The following PUF60 variants were observed in gnomAD, a reference collection of about 807,000 sequenced individuals.
The protein encoded by PUF60 is poly(U)-binding-splicing factor PUF60.
PUF60 carries 10 observed loss-of-function variants against 61.8 expected under a neutral mutation model. The ratio of observed to expected loss-of-function variants is 0.16; its 90% CI spans 0.10 to 0.27. PUF60 has a LOEUF of 0.27. Among genes scored for constraint, PUF60 ranks in the 10% least tolerant of loss-of-function variants. PUF60 has a pLI of 1.00. For missense variants in PUF60, 371 were observed against 754.0 expected (o/e 0.49, Z 5.95); for synonymous variants, 353 against 300.9 (o/e 1.17, Z -1.79).
At position 143,816,956 on chromosome 8, in the gene PUF60, C is replaced by A; in HGVS notation, c.1334G>T (p.Ser445Ile). Residue 445 changes from serine (S) to isoleucine (I), a missense_variant, in exon 11 of 12, where the codon AGT (serine) becomes ATT (isoleucine). By Grantham distance (142) the Ser-to-Ile change is moderately radical. This residue lies in a region of PUF60 where 38 missense variants were observed against 112.9 expected (regional missense o/e 0.34). Coordinates refer to ENST00000526683, the MANE Select transcript of PUF60 (RefSeq NM_078480.3). ...CTGCATCACCATGTGTCGGGCGCTA[C>A]TGCCCGAGATGCTCATGTGCTCCTG... Reference protein sequence around the residue: ...SEQEHMSISGSSARHMVMQKL... With the variant: ...SEQEHMSISGISARHMVMQKL... The A allele has an allele frequency of 6.3e-7, 1 of 1,597,786 alleles. No homozygotes were observed. The highest frequency in any genetic ancestry group is 8.5e-7 in the Non-Finnish European group (1 of 1,172,570).
chr8:143,816,427 G>C lies in PUF60; in HGVS notation c.*93C>G, dbSNP rs1816282827. 3 of 1,400,718 alleles carry C rather than the reference G, an allele frequency of 2.1e-6. No homozygotes were observed. Among genetic ancestry groups the C allele is most frequent in the Non-Finnish European group, 2.9e-6 (3 of 1,042,884 alleles). 86.8% of individuals were successfully genotyped at this position (1,400,718 alleles called of 1,614,324 possible). A position where few individuals can be genotyped will look rare whatever the true frequency, so the allele number is the denominator to read the frequency against. On this transcript the variant is annotated 3_prime_UTR_variant, in exon 12 of 12. Coordinates refer to ENST00000526683, the MANE Select transcript of PUF60 (RefSeq NM_078480.3). ...TTATCCGCACTGTAGGCTGGGCTGG[G>C]CAGAGCGCGCCTGGCCCCGGGGACA...
chr8:143,818,081 G>A lies in PUF60; in HGVS notation c.604-6C>T, dbSNP rs774955816. 3.7e-6 allele frequency: 6 copies of A among 1,611,482 alleles called. No individual in the cohort carries two copies. The highest frequency in any genetic ancestry group is 1.7e-5 in the Admixed American group (1 of 59,848). ...ATGTTGCTGGGTCTGCCCACCTGGG[G>A]AAGAGGCGGTGAGATGGAAAGACCG... is the stretch of plus-strand genomic sequence containing the variant. On this transcript the variant is annotated splice_region_variant and splice_polypyrimidine_tract_variant and intron_variant, in intron 7 of 11. Transcript: ENST00000526683. The surrounding 1 kb of genome is among the most constrained non-coding windows in gnomAD (Gnocchi z 7.9).
In PUF60 at chr8:143,818,983, G is replaced by C. The variant is rs1305764885; in HGVS notation, c.349-449C>G. ...CTGGTTTGGTGGCCAGAAGAGAGGA[G>C]GTCAGAAGACAGGGCAGCCACTGCC... On this transcript the variant is annotated intron_variant, in intron 5 of 11. Coordinates refer to ENST00000526683, the MANE Select transcript of PUF60 (RefSeq NM_078480.3). This position sits in a 1 kb window ranked among gnomAD's most constrained non-coding sequence, Gnocchi z 7.9. The C allele has an allele frequency of 5.7e-6, 1 of 175,578 alleles. No homozygotes were observed. Among genetic ancestry groups the C allele is most frequent in the Admixed American group, 5.9e-5 (1 of 16,944 alleles). The allele number at this position is 175,578 out of a possible 1,614,324, so 10.9% of individuals were successfully genotyped here.
At position 143,817,024 on chromosome 8, in the gene PUF60, C is replaced by T. The variant is rs187733261; in HGVS notation, c.1266G>A (p.Glu422=). Residue 422 remains glutamate (E), a synonymous_variant, in exon 11 of 12, where the codon GAG becomes GAA. Coordinates refer to ENST00000526683, the MANE Select transcript of PUF60 (RefSeq NM_078480.3). This position sits in a 1 kb window ranked among gnomAD's most constrained non-coding sequence, Gnocchi z 7.4. ...LLEPKKEKEE[E]ELFPESERPE... is the part of the protein sequence containing the mutation. ...GCCGCTCTGACTCGGGAAACAGCTC[C>T]TCTTCTTCCTTCTCCTTCTTGGGCT... The T allele has an allele frequency of 3.9e-4, 623 of 1,610,230 alleles. 1 individual carries two copies. The African/African-American group carries it at 7.3e-3, about 19-fold the overall frequency.
rs1429266295 is a variant in PUF60, at chr8:143,824,411, AAGG to A, written c.25-15_25-13del. On this transcript the variant is annotated splice_polypyrimidine_tract_variant and intron_variant, in intron 1 of 11. Coordinates refer to ENST00000526683, the MANE Select transcript of PUF60 (RefSeq NM_078480.3). ...TGGCCATTGACCTGCTGCAGGCAGG[AAGG>A]AGATGTTGTAACGACAGGCACACCA... The A allele has an allele frequency of 1.9e-6, 3 of 1,610,452 alleles. No individual in the cohort carries two copies. The highest frequency in any genetic ancestry group is 1.1e-5 in the South Asian group (1 of 91,040).
Position 143,821,926 on chromosome 8 carries a change from C to G in PUF60, c.112-13G>C, listed in dbSNP as rs376775479. ...TGGAGTCTGTGCCCTGGTAAGGGAG[C>G]AGGGGAATCCATCAGCAGCAAGCTC... On this transcript the variant is annotated splice_polypyrimidine_tract_variant and intron_variant, in intron 2 of 11. Transcript: ENST00000526683. 5 of 1,570,742 alleles carry G rather than the reference C, an allele frequency of 3.2e-6. No individual in the cohort carries two copies. Among genetic ancestry groups the G allele is most frequent in the Admixed American group, 3.6e-5 (2 of 55,888 alleles).
intron 1 of PUF60, 87 bp downstream of exon 1, chr8:143,829,193 C>T: frequency 1.6e-6 from 2 of 1,230,098 alleles, no homozygotes; most frequent in Non-Finnish European, 2.0e-6. Context: ...CCGCCGCGTT[C>T]TTGGGAGGCC....
At chr8:143,826,426 G>A (rs1282757454) in intron 1 of PUF60, among the ~76,000 whole-genome samples, 1 of 152,084 alleles carries the variant, frequency 6.6e-6, no homozygotes, top group Non-Finnish European at 1.5e-5. Context: ...TTTTTAAAAA[G>A]TAATGTGGCC....
chr8:143,818,098 G>GA lies in PUF60; in HGVS notation c.604-24dup. 6.2e-7 allele frequency: 1 copy of GA among 1,608,742 alleles called. No individual in the cohort carries two copies. The highest frequency in any genetic ancestry group is 8.5e-7 in the Non-Finnish European group (1 of 1,177,764). On this transcript the variant is annotated intron_variant, in intron 7 of 11. Transcript: ENST00000526683. The surrounding 1 kb of genome is among the most constrained non-coding windows in gnomAD (Gnocchi z 7.9). The stretch of plus-strand genomic sequence containing the variant: ...CACCTGGGGAAGAGGCGGTGAGATG[G>GA]AAAGACCGGTCAACCCAGGCCCGGC...
At chr8:143,827,517 C>A in intron 1 of PUF60, 1 of 452,758 alleles carries the variant, frequency 2.2e-6, no homozygotes, top group Non-Finnish European at 4.4e-6. Flanking sequence ...TCAGCTGCTC[C>A]ATTCAACCTC....
intron 1 of PUF60, 168 bp from the exon 2 acceptor site, chr8:143,824,567 A>T: frequency 1.6e-6 from 1 of 639,574 alleles, no homozygotes; most frequent in Non-Finnish European, 2.7e-6. Context: ...CTTCACACCC[A>T]TCAGCACGCC....
In PUF60 at chr8:143,816,985, G is replaced by C. The variant is rs372944670; in HGVS notation, c.1305C>G (p.Ser435Arg). Reference sequence around the variant, plus strand: ...CCGAGATGCTCATGTGCTCCTGCTCGCTCAGCATCTCTGGCCGCTCTGACT... The same window carrying C: ...CCGAGATGCTCATGTGCTCCTGCTCCCTCAGCATCTCTGGCCGCTCTGACT... ...FPESERPEML[S>R]EQEHMSISGS... Residue 435 changes from serine to arginine, a missense_variant, in exon 11 of 12, where the codon AGC becomes AGG. Transcript: ENST00000526683. 1.2e-6 allele frequency: 2 copies of C among 1,605,030 alleles called. No homozygotes were observed. Among genetic ancestry groups the C allele is most frequent in the Non-Finnish European group, 1.7e-6 (2 of 1,176,122 alleles).
chr8:143,820,491 C>T, intron 5 of PUF60, 175 bp downstream of exon 5: 1 of 717,020 alleles, frequency 1.4e-6, no homozygotes, highest in Non-Finnish European at 2.4e-6. Flanking sequence ...AGGGGCGGTC[C>T]CGGGTGGGTG....
intron 4 of PUF60, 71 bp from the exon 5 acceptor site, chr8:143,820,787 G>C: frequency 7.0e-7 from 1 of 1,429,986 alleles, no homozygotes; most frequent in Non-Finnish European, 9.8e-7. Context: ...AACACCTCAC[G>C]CAGACAGCGG....
intron 1 of PUF60, among the ~76,000 whole-genome samples, chr8:143,826,510 T>C (rs1212012258): frequency 3.3e-5 from 5 of 151,590 alleles, no homozygotes; most frequent in Non-Finnish European, 5.9e-5. Flanking sequence ...AGGTCAGGAG[T>C]TGGAGACCAG....
chr8:143,827,611 T>C, intron 1 of PUF60: 1 of 358,318 alleles, frequency 2.8e-6, no homozygotes, highest in Admixed American at 3.7e-5. Flanking sequence ...ATAACCCTTC[T>C]AGAAGCCTTT....
rs7833632 is a variant in PUF60, at chr8:143,818,586, A to G, written c.349-52T>C. The stretch of plus-strand genomic sequence containing the variant: ...CGCTGGCTCGTCAGGGGCGGCAGGA[A>G]GCTGGGCAGCCCACTCCCCTCCTGG... On this transcript the variant is annotated intron_variant, in intron 5 of 11. Transcript: ENST00000526683. The surrounding 1 kb of genome is among the most constrained non-coding windows in gnomAD (Gnocchi z 7.9). The G allele has an allele frequency of 0.92, 1,380,595 of 1,507,984 alleles. 632,439 individuals are homozygous for G. The highest frequency in any genetic ancestry group is 0.98 in the East Asian group (39,724 of 40,534). The allele number at this position is 1,507,984 out of a possible 1,614,324, so 93.4% of individuals were successfully genotyped here. A position where few individuals can be genotyped will look rare whatever the true frequency, so the allele number is the denominator to read the frequency against.
intron 1 of PUF60, chr8:143,827,545 G>A (rs1383431005): frequency 2.3e-6 from 1 of 437,560 alleles, no homozygotes; most frequent in Non-Finnish European, 4.6e-6. Context: ...AGCTGAAGCA[G>A]CATGAGACAG....
chr8:143,816,898 C>T lies in PUF60; in HGVS notation c.1380+12G>A, dbSNP rs777864595. 3 of 1,568,508 alleles carry T rather than the reference C, an allele frequency of 1.9e-6. No homozygotes were observed. The highest frequency in any genetic ancestry group is 2.6e-6 in the Non-Finnish European group (3 of 1,156,552). On this transcript the variant is annotated intron_variant, in intron 11 of 11. Transcript: ENST00000526683. ...ACCCTCTCCCCCGCCACCACCCTGCCCCTCTGCCTACCTCCTGCTTGCGGA... is the reference window on the plus strand; with the variant it reads ...ACCCTCTCCCCCGCCACCACCCTGCTCCTCTGCCTACCTCCTGCTTGCGGA...
Sources: gnomAD v4.1 joint callset for allele counts (sites outside exome capture counted in the v4.1 genomes callset) on GRCh38, gnomAD v4.1.1 for gene constraint, gnomAD v4.1.1 regional missense constraint, Gnocchi (gnomAD v3.1) non-coding constraint, MANE v1.5 for transcripts, NCBI Gene and HGNC (gene_info 2026-07-23, HGNC 2026-07-21) for gene names.